Variants in ATM observed in about 807,000 individuals in gnomAD.
The protein encoded by ATM is serine-protein kinase ATM.
Under a neutral mutation model 387.0 loss-of-function variants are expected in ATM, and 308 were observed. That is an observed-to-expected ratio of 0.80 (90% CI 0.73 to 0.87). ATM has a LOEUF of 0.87. Among genes scored for constraint, ATM ranks in the 40% least tolerant of loss-of-function variants. The pLI is 0.00. For synonymous variants in ATM, 1,156 were observed against 1,187.3 expected (o/e 0.97, Z 0.54); for missense variants, 3,312 against 3,560.9 (o/e 0.93, Z 1.78).
intron 28 of ATM, 68 bp downstream of exon 28, chr11:108,289,171 A>C: frequency 6.8e-7 from 1 of 1,471,116 alleles, no homozygotes; most frequent in Non-Finnish European, 9.3e-7. Flanking sequence ...CTTTGTAAAT[A>C]CATCTTAAAG....
Position 108,294,986 on chromosome 11 carries a change from A to G in ATM, c.4836A>G (p.Glu1612=), listed in dbSNP as rs2135835525. ...ATGCACTTCCATTGACAAGACTTGAAGGACTAAAGGATCTTCGAAGACAAC... is the reference window on the plus strand; with the variant it reads ...ATGCACTTCCATTGACAAGACTTGAGGGACTAAAGGATCTTCGAAGACAAC... ...VYDALPLTRL[E]GLKDLRRQLE... Residue 1612 remains glutamate, a synonymous_variant, in exon 32 of 63, where the codon GAA becomes GAG. Transcript: ENST00000675843. 1 of 1,613,934 alleles carries G rather than the reference A, an allele frequency of 6.2e-7. No homozygotes were observed. Among genetic ancestry groups the G allele is most frequent in the Non-Finnish European group, 8.5e-7 (1 of 1,179,868 alleles).
At chr11:108,255,315 T>C (rs999657192) in intron 13 of ATM, among the ~76,000 whole-genome samples, 4 of 152,100 alleles carry the variant, frequency 2.6e-5, no homozygotes, top group African/African-American at 9.7e-5. Flanking sequence ...TTTAGTTTTG[T>C]ATATTTTCTC....
rs775688446 is a variant in ATM at position 108,289,046 on chromosome 11, C to A, written c.4179C>A (p.Ile1393=). The A allele has an allele frequency of 1.1e-5, 18 of 1,612,692 alleles. No individual in the cohort carries two copies. The highest frequency in any genetic ancestry group is 1.2e-5 in the Non-Finnish European group (14 of 1,178,920). Residue 1393 remains isoleucine (I), a synonymous_variant, in exon 28 of 63, where the codon ATC becomes ATA. Coordinates refer to ENST00000675843, the MANE Select transcript of ATM (RefSeq NM_000051.4). ...SHVIKATFAY[I]SNCHKTKLKS... ...TGATTAAAGCAACATTTGCCTATAT[C>A]AGCAATTGTCATAAAACCAAGTTAA...
chr11:108,249,933 G>A (rs539654284), intron 9 of ATM, among the ~76,000 whole-genome samples: 11 of 152,140 alleles, frequency 7.2e-5, no homozygotes, highest in South Asian at 4.1e-4. Context: ...TGGGCTAAGC[G>A]TTAGATATAC....
chr11:108,331,443 G>A lies in ATM; in HGVS notation c.7516-1G>A. The A allele has an allele frequency of 6.2e-7, 1 of 1,612,394 alleles. No individual in the cohort carries two copies. The highest frequency in any genetic ancestry group is 1.1e-5 in the South Asian group (1 of 90,926). On this transcript the variant is annotated splice_acceptor_variant, in intron 50 of 62. Transcript: ENST00000675843. LOFTEE classifies it high-confidence loss of function. ...ATTTTGTGTCTTTTTTTTAATGGTA[G>A]AGAGACGGAATGAAGATTCCAACAT...
intron 61 of ATM, among the ~76,000 whole-genome samples, chr11:108,362,971 AAAC>A (rs1375522608): frequency 1.3e-5 from 2 of 149,616 alleles, no homozygotes; most frequent in African/African-American, 2.5e-5. Flanking sequence ...CTAAAAAAAC[AAAC>A]AACAAAACAA....
At position 108,365,537 on chromosome 11, in the gene ATM, C is replaced by G. The variant is rs3218711; in HGVS notation, c.*29C>G. ...TCAGTATATGAATTACCCTTTCATT[C>G]AGCCTTTAGAAATTATATTTTAGCC... On this transcript the variant is annotated 3_prime_UTR_variant, in exon 63 of 63. Transcript: ENST00000675843. 6.8e-3 allele frequency: 10,912 copies of G among 1,607,046 alleles called. 41 individuals are homozygous for G. The highest frequency in any genetic ancestry group is 7.8e-3 in the African/African-American group (580 of 74,834).
chr11:108,292,018 G>A (rs1448892772), intron 29 of ATM, among the ~76,000 whole-genome samples: 1 of 152,184 alleles, frequency 6.6e-6, no homozygotes, highest in Non-Finnish European at 1.5e-5. Context: ...CTATGCACCT[G>A]CAGGTTGTTG....
In ATM at chr11:108,293,324, G is replaced by GT. The variant is rs730881304; in HGVS notation, c.4625dup (p.Leu1542PhefsTer8). On this transcript the variant is annotated frameshift_variant, in exon 31 of 63. Transcript: ENST00000675843. LOFTEE classifies it high-confidence loss of function. ...TAAATTATATTTAGGTATTGGACTT[G>GT]TTGAAATACTTAGTGATAGATAACA... is the stretch of plus-strand genomic sequence containing the variant. 3.9e-6 allele frequency: 6 copies of GT among 1,551,396 alleles called. No individual in the cohort carries two copies. Among genetic ancestry groups the GT allele is most frequent in the Non-Finnish European group, 5.3e-6 (6 of 1,132,714 alleles).
intron 42 of ATM, among the ~76,000 whole-genome samples, chr11:108,316,435 C>A (rs1458828004): frequency 6.6e-6 from 1 of 152,146 alleles, no homozygotes; most frequent in Non-Finnish European, 1.5e-5. Context: ...AGTGTACTTA[C>A]TGCTTCACAT....
At chr11:108,272,483 G>T in intron 20 of ATM, 49 bp from the exon 21 acceptor site, 1 of 1,444,566 alleles carries the variant, frequency 6.9e-7, no homozygotes, top group South Asian at 1.1e-5. Context: ...TTTTCTGAGT[G>T]CTTTTATCAG....
intron 51 of ATM, 82 bp from the exon 52 acceptor site, chr11:108,331,797 C>T (rs2136509175): frequency 6.7e-7 from 1 of 1,503,306 alleles, no homozygotes; most frequent in South Asian, 1.2e-5. Context: ...CAGTAATACA[C>T]ATTTTAATGT....
chr11:108,343,486 C>T (rs1350926396), intron 57 of ATM, 115 bp downstream of exon 57: 1 of 1,264,524 alleles, frequency 7.9e-7, no homozygotes, highest in Non-Finnish European at 1.1e-6. Context: ...AGGTAATTGT[C>T]AAAGATACTA....
rs1057521515 is a variant in ATM at position 108,325,490 on chromosome 11, C to T, written c.6753C>T (p.Leu2251=). 2 of 1,613,422 alleles carry T rather than the reference C, an allele frequency of 1.2e-6. No individual in the cohort carries two copies. Among genetic ancestry groups the T allele is most frequent in the East Asian group, 2.2e-5 (1 of 44,842 alleles). ...NSQRECIKDI[L]TKHLVELSIL... is the part of the protein sequence containing the mutation. ...AAAGAGAATGTATTAAGGACATTCTCACCAAACACCTTGTAGAACTCTCTA... is the reference window on the plus strand; with the variant it reads ...AAAGAGAATGTATTAAGGACATTCTTACCAAACACCTTGTAGAACTCTCTA... Residue 2251 remains leucine, a synonymous_variant, in exon 46 of 63, where the codon CTC becomes CTT. Transcript: ENST00000675843.
intron 29 of ATM, chr11:108,290,110 C>G (rs2082704863): frequency 3.8e-6 from 1 of 260,866 alleles, no homozygotes; most frequent in South Asian, 6.4e-5. Context: ...CTGTCAGCCT[C>G]AGCCTCCCAG....
At position 108,326,230 on chromosome 11, in the gene ATM, G is replaced by T. The variant is rs575354684; in HGVS notation, c.6975+5G>T. The T allele has an allele frequency of 1.3e-5, 21 of 1,610,636 alleles. No homozygotes were observed. Among genetic ancestry groups the T allele is most frequent in the Non-Finnish European group, 1.6e-5 (19 of 1,177,844 alleles). On this transcript the variant is annotated splice_donor_5th_base_variant and intron_variant, in intron 47 of 62. Coordinates refer to ENST00000675843, the MANE Select transcript of ATM (RefSeq NM_000051.4). ...TTGGATGCCAGCTGTGCAGCGGTTT[G>T]TTTTTTTTATTGGCTGGATTAGTGT...
At chr11:108,291,510 C>T (rs2082794053) in intron 29 of ATM, among the ~76,000 whole-genome samples, 1 of 152,212 alleles carries the variant, frequency 6.6e-6, no homozygotes, top group Non-Finnish European at 1.5e-5. Context: ...AATAACTCCA[C>T]ATTCCTCCTC....
chr11:108,317,820 ACT>A lies in ATM; in HGVS notation c.6347+304_6347+305del, dbSNP rs1437388794. Among the ~76,000 whole-genome samples, 4 of 151,352 alleles carry A rather than the reference ACT, an allele frequency of 2.6e-5. No individual in the cohort carries two copies. In the East Asian group the frequency reaches 5.8e-4, roughly 22 times the overall value. Reference sequence around the variant, plus strand: ...GTTAATGCACCTAGGCTTGAATTTTACTCTCTTATTCCATTAGGACAACTTCA... The same window carrying A: ...GTTAATGCACCTAGGCTTGAATTTTACTCTTATTCCATTAGGACAACTTCA... On this transcript the variant is annotated intron_variant, in intron 43 of 62. Transcript: ENST00000675843.
At chr11:108,280,524 T>G (rs2082175725) in intron 23 of ATM, among the ~76,000 whole-genome samples, 1 of 152,074 alleles carries the variant, frequency 6.6e-6, no homozygotes, top group Non-Finnish European at 1.5e-5. Flanking sequence ...AGTAGGGGTG[T>G]GTGTGTGTGT....
Sources: allele counts gnomAD v4.1 joint callset (sites outside exome capture counted in the v4.1 genomes callset), GRCh38; gene constraint gnomAD v4.1.1; transcripts MANE v1.5; gene names NCBI Gene and HGNC (gene_info 2026-07-23, HGNC 2026-07-21).